The following DEPDC1 variants were observed in gnomAD, a reference collection of about 807,000 sequenced individuals.
The protein encoded by DEPDC1 is DEP domain-containing protein 1A.
In DEPDC1, 66 loss-of-function variants were observed where a neutral mutation model predicts 86.8. The observed-to-expected ratio is 0.76, with a 90% CI of 0.62 to 0.93. The LOEUF (loss-of-function observed/expected upper bound fraction) is 0.93. Ranked by LOEUF, DEPDC1 falls within the 40% of genes least tolerant of loss-of-function variation. The pLI is 0.00. For missense variants in DEPDC1, 792 were observed against 935.7 expected, an observed-to-expected ratio of 0.85 and a Z score of 2.00; for synonymous variants, 255 against 314.9, an observed-to-expected ratio of 0.81 and a Z score of 2.02.
intron 6 of DEPDC1, 146 bp downstream of exon 6, chr1:68,486,791 C>A (rs989133394): frequency 3.4e-5 from 35 of 1,039,500 alleles, no homozygotes; most frequent in Non-Finnish European, 4.1e-5. Flanking sequence ...TTCCACTAGA[C>A]TTTCATTTAT....
intron 10 of DEPDC1, among the ~76,000 whole-genome samples, chr1:68,478,182 T>C (rs1375396228): frequency 1.3e-5 from 2 of 152,008 alleles, no homozygotes; most frequent in Non-Finnish European, 2.9e-5. Flanking sequence ...CATTCAACAA[T>C]GTATTTAACT....
At position 68,482,848 on chromosome 1, in the gene DEPDC1, T is replaced by C; in HGVS notation, c.960A>G (p.Lys320=). The part of the protein sequence containing the change: ...TVSDRSSGIH[K]IQDDPQSSKF... ...TTGAAGACTGTGGATCATCTTGAAT[T>C]TTATGTATCCCACTGGATCTATCTG... Residue 320 remains lysine, a synonymous_variant, in exon 8 of 12, where the codon AAA becomes AAG. Transcript: ENST00000456315. 1 of 1,606,458 alleles carries C rather than the reference T, an allele frequency of 6.2e-7. No individual in the cohort carries two copies. The highest frequency in any genetic ancestry group is 8.5e-7 in the Non-Finnish European group (1 of 1,177,102).
intron 10 of DEPDC1, among the ~76,000 whole-genome samples, chr1:68,478,523 A>G (rs748393041): frequency 1.3e-5 from 2 of 151,602 alleles, no homozygotes; most frequent in Non-Finnish European, 2.9e-5. Flanking sequence ...ATTCTAGGAG[A>G]TAGTTATAAT....
Position 68,496,727 on chromosome 1 carries a change from C to T in DEPDC1, c.48+225G>A. ...AGTCTGGTGCGGCCTACGCGCGGCG[C>T]TTCCTTTCGGACCTGAGGCCCAGAC... On this transcript the variant is annotated intron_variant, in intron 1 of 11. Coordinates refer to ENST00000456315, the MANE Select transcript of DEPDC1 (RefSeq NM_001114120.3). The surrounding 1 kb of genome is among the most constrained non-coding windows in gnomAD (Gnocchi z 4.0). 1 of 454,828 alleles carries T rather than the reference C, an allele frequency of 2.2e-6. No individual in the cohort carries two copies. The highest frequency in any genetic ancestry group is 4.0e-5 in the South Asian group (1 of 24,770). 28.2% of individuals were successfully genotyped at this position (454,828 alleles called of 1,614,324 possible). A position where few individuals can be genotyped will look rare whatever the true frequency, so the allele number is the denominator to read the frequency against.
intron 2 of DEPDC1, among the ~76,000 whole-genome samples, chr1:68,493,211 CAT>C (rs1646240932): frequency 6.6e-6 from 1 of 152,058 alleles, no homozygotes; most frequent in South Asian, 2.1e-4. Context: ...ATGGATTATT[CAT>C]ATGATTGTTA....
chr1:68,486,877 ATAT>A, intron 6 of DEPDC1, 57 bp downstream of exon 6: 1 of 1,315,278 alleles, frequency 7.6e-7, no homozygotes, highest in Non-Finnish European at 9.8e-7. Flanking sequence ...AATACTATCA[ATAT>A]AACACACACA....
rs55915411 is a variant in DEPDC1, at chr1:68,486,881, AACACACAC to A, written c.769+48_769+55del. 7,023 of 1,173,200 alleles carry A rather than the reference AACACACAC, an allele frequency of 6.0e-3. 1 individual carries two copies. Among genetic ancestry groups the A allele is most frequent in the Admixed American group, 7.9e-3 (252 of 32,012 alleles). The allele number at this position is 1,173,200 out of a possible 1,614,324, so 72.7% of individuals were successfully genotyped here. A position where few individuals can be genotyped will look rare whatever the true frequency, so the allele number is the denominator to read the frequency against. ...GGTTCTTGTTAAATACTATCAATAT[AACACACAC>A]ACACACACACACACACACACACACA... On this transcript the variant is annotated intron_variant, in intron 6 of 11. Coordinates refer to ENST00000456315, the MANE Select transcript of DEPDC1 (RefSeq NM_001114120.3).
intron 2 of DEPDC1, among the ~76,000 whole-genome samples, chr1:68,490,653 T>C (rs1646223626): frequency 6.6e-6 from 1 of 152,072 alleles, no homozygotes; most frequent in Admixed American, 6.6e-5. Context: ...GTAGTTTTGG[T>C]TTTAGGATTT....
Position 68,486,921 on chromosome 1 carries a change from C to CATAT in DEPDC1, c.769+12_769+15dup, listed in dbSNP as rs71071309. The stretch of plus-strand genomic sequence containing the variant: ...ACACACACACACACACACACACACA[C>CATAT]ATATATTTAACTTACAATTTGCTAG... On this transcript the variant is annotated intron_variant, in intron 6 of 11. Transcript: ENST00000456315. The CATAT allele has an allele frequency of 4.1e-6, 6 of 1,468,136 alleles. No individual in the cohort carries two copies. Among genetic ancestry groups the CATAT allele is most frequent in the Non-Finnish European group, 4.6e-6 (5 of 1,086,168 alleles). 90.9% of individuals were successfully genotyped at this position (1,468,136 alleles called of 1,614,324 possible).
In DEPDC1 at chr1:68,482,126, T is replaced by C; in HGVS notation, c.1682A>G (p.Asn561Ser). The C allele has an allele frequency of 1.9e-6, 3 of 1,612,382 alleles. No homozygotes were observed. The highest frequency in any genetic ancestry group is 1.7e-6 in the Non-Finnish European group (2 of 1,179,026). ...SELGESSATI[N>S]KRLCKSTIEL... Reference sequence around the variant, plus strand: ...TATTGTACTTTTGCAGAGTCTTTTATTGATTGTGGCACTAGACTCTCCGAG... The same window carrying C: ...TATTGTACTTTTGCAGAGTCTTTTACTGATTGTGGCACTAGACTCTCCGAG... The change falls in exon 8 of 12, where the codon AAT becomes AGT. Residue 561 changes from asparagine to serine, a missense_variant. Physicochemically the swap from Asn to Ser is conservative, Grantham distance 46. Transcript: ENST00000456315.
chr1:68,478,694 C>A (rs1255406687), intron 10 of DEPDC1, among the ~76,000 whole-genome samples: 1 of 151,934 alleles, frequency 6.6e-6, no homozygotes, highest in Non-Finnish European at 1.5e-5. Context: ...TCTACCTTCA[C>A]CTTTTGTGAA....
At position 68,474,263 on chromosome 1, in the gene DEPDC1, CCTTT is replaced by C. The variant is rs1203852634; in HGVS notation, c.*2665_*2668del. On this transcript the variant is annotated 3_prime_UTR_variant, in exon 12 of 12. Transcript: ENST00000456315. ...CTAAATTCAAGATTTAAATATATTG[CCTTT>C]CTTTCACTACAATCACAACTCAGTT... 1 of 152,004 alleles carries C rather than the reference CCTTT, an allele frequency of 6.6e-6. No homozygotes were observed. The highest frequency in any genetic ancestry group is 2.4e-5 in the African/African-American group (1 of 41,400). 9.4% of individuals were successfully genotyped at this position (152,004 alleles called of 1,614,324 possible).
chr1:68,479,106 T>C (rs774590464), intron 10 of DEPDC1, 38 bp downstream of exon 10: 3 of 1,536,082 alleles, frequency 2.0e-6, no homozygotes, highest in African/African-American at 1.4e-5. Context: ...CACTTGCAAC[T>C]GACTATTGCA....
At chr1:68,481,335 G>A in intron 9 of DEPDC1, 105 bp downstream of exon 9, 1 of 1,008,334 alleles carries the variant, frequency 9.9e-7, no homozygotes, top group Non-Finnish European at 1.4e-6. Flanking sequence ...TAAGAATCTA[G>A]CACTTTAAGA....
Position 68,496,942 on chromosome 1 carries a change from G to T in DEPDC1, c.48+10C>A, listed in dbSNP as rs753818560. 1 of 1,610,518 alleles carries T rather than the reference G, an allele frequency of 6.2e-7. No homozygotes were observed. Reference sequence around the variant, plus strand: ...CCGCTGACCGGTCCCGTCTATCCGAGCTGTCTTACCAGCTTGGTGGCCCGA... The same window carrying T: ...CCGCTGACCGGTCCCGTCTATCCGATCTGTCTTACCAGCTTGGTGGCCCGA... On this transcript the variant is annotated intron_variant, in intron 1 of 11. Coordinates refer to ENST00000456315, the MANE Select transcript of DEPDC1 (RefSeq NM_001114120.3). The surrounding 1 kb of genome is among the most constrained non-coding windows in gnomAD (Gnocchi z 4.0).
At position 68,477,844 on chromosome 1, in the gene DEPDC1, T is replaced by G; in HGVS notation, c.2241A>C (p.Glu747Asp). 6.3e-7 allele frequency: 1 copy of G among 1,580,162 alleles called. No homozygotes were observed. Reference sequence around the variant, plus strand: ...GTAAACTCCTGTTTTTAATAATATTTTCTAAAAGTTCTGCAATTGCAGCTT... The same window carrying G: ...GTAAACTCCTGTTTTTAATAATATTGTCTAAAAGTTCTGCAATTGCAGCTT... ...TSQAAIAELL[E>D]NIIKNRSLPL... Residue 747 changes from glutamate (E) to aspartate (D), a missense_variant, in exon 11 of 12, where the codon GAA becomes GAC. Physicochemically the swap from Glu to Asp is conservative, Grantham distance 45 (BLOSUM62 2). Transcript: ENST00000456315.
chr1:68,490,911 C>G (rs1289473114), intron 2 of DEPDC1, among the ~76,000 whole-genome samples: 3 of 152,090 alleles, frequency 2.0e-5, no homozygotes, highest in African/African-American at 7.2e-5. Flanking sequence ...TTCAGCAAAG[C>G]TGACAAAAAC....
chr1:68,486,308 T>G (rs1421845788), intron 6 of DEPDC1, among the ~76,000 whole-genome samples: 1 of 151,988 alleles, frequency 6.6e-6, no homozygotes. Flanking sequence ...GCACACAACC[T>G]TCCTCCTGCT....
At chr1:68,491,316 G>A (rs1416011350) in intron 2 of DEPDC1, among the ~76,000 whole-genome samples, 1 of 151,950 alleles carries the variant, frequency 6.6e-6, no homozygotes, top group Non-Finnish European at 1.5e-5. Flanking sequence ...CATTTACAAG[G>A]AACTTAAATT....
Sources: allele counts gnomAD v4.1 joint callset (sites outside exome capture counted in the v4.1 genomes callset), GRCh38; gene constraint gnomAD v4.1.1; non-coding constraint Gnocchi (gnomAD v3.1); transcripts MANE v1.5; gene names NCBI Gene and HGNC (gene_info 2026-07-23, HGNC 2026-07-21).